TMEM232: variants seen among roughly 807,000 people sequenced by gnomAD.
TMEM232 encodes the protein transmembrane protein 232.
Under a neutral mutation model 78.8 loss-of-function variants are expected in TMEM232, and 80 were observed. The ratio of observed to expected loss-of-function variants is 1.01; its 90% CI spans 0.85 to 1.22. The LOEUF is 1.22. Ranked by LOEUF, TMEM232 falls within the 50% of genes most tolerant of loss-of-function variation. TMEM232 has a pLI of 0.00. For missense variants in TMEM232, 881 were observed against 742.2 expected, an observed-to-expected ratio of 1.19 and a Z score of -2.17; for synonymous variants, 297 against 254.3, an observed-to-expected ratio of 1.17 and a Z score of -1.60.
At chr5:110,579,260 T>A (rs936229293) in intron 10 of TMEM232, among the ~76,000 whole-genome samples, 6 of 141,894 alleles carry the variant, frequency 4.2e-5, no homozygotes, top group East Asian at 2.0e-4. Context: ...AACTGCAGTT[T>A]AAAAAAAAAA....
At chr5:110,550,660 A>G (rs1774340249) in intron 11 of TMEM232, among the ~76,000 whole-genome samples, 1 of 151,950 alleles carries the variant, frequency 6.6e-6, no homozygotes, top group Non-Finnish European at 1.5e-5. Flanking sequence ...CTAGAAATAT[A>G]CAAAACATTA....
chr5:110,424,707 G>A, intron 13 of TMEM232, 116 bp downstream of exon 13: 1 of 808,058 alleles, frequency 1.2e-6, no homozygotes, highest in East Asian at 2.7e-5. Flanking sequence ...AACCAATCAT[G>A]GCTCTACTTT....
intron 12 of TMEM232, among the ~76,000 whole-genome samples, chr5:110,516,680 T>A (rs1768708877): frequency 6.6e-6 from 1 of 151,784 alleles, no homozygotes; most frequent in African/African-American, 2.4e-5. Flanking sequence ...TAAAAAACAT[T>A]CAACATACAA....
At chr5:110,510,739 A>G (rs911297977) in intron 12 of TMEM232, among the ~76,000 whole-genome samples, 1 of 152,198 alleles carries the variant, frequency 6.6e-6, no homozygotes, top group Non-Finnish European at 1.5e-5. Flanking sequence ...CAAAATCACA[A>G]TAATATACCA....
chr5:110,656,667 T>A lies in TMEM232; in HGVS notation c.125+10561A>T, dbSNP rs1228722683. ...ATCCTGGCTAACAAGTGAAACCCCG[T>A]CTCTACTAAAAATACAAAAATTAGC... On this transcript the variant is annotated intron_variant, in intron 2 of 13. Coordinates refer to ENST00000455884, the MANE Select transcript of TMEM232 (RefSeq NM_001039763.4). 2.0e-5 allele frequency among the ~76,000 whole-genome samples: 3 copies of A among 151,852 alleles called. No individual in the cohort carries two copies. The East Asian group carries it at 5.8e-4, about 30-fold the overall frequency.
chr5:110,476,753 T>C (rs569890320), intron 12 of TMEM232, among the ~76,000 whole-genome samples: 1 of 152,200 alleles, frequency 6.6e-6, no homozygotes, highest in Admixed American at 6.6e-5. Context: ...ACAGCACGTT[T>C]GGACATTCTA....
chr5:110,721,671 G>GTATATATATATA (rs1192575850), intron 1 of TMEM232, among the ~76,000 whole-genome samples: 13 of 23,410 alleles, frequency 5.6e-4, no homozygotes, highest in African/African-American at 8.0e-4. Context: ...GTGTGTGTGT[G>GTATATATATATA]TGTATATATA....
intron 2 of TMEM232, among the ~76,000 whole-genome samples, chr5:110,403,645 AAC>A (rs1015747686): frequency 1.3e-5 from 2 of 152,056 alleles, no homozygotes; most frequent in Non-Finnish European, 2.9e-5. Flanking sequence ...TTACAATAGA[AAC>A]ACATAGGGAT....
At chr5:110,637,340 AC>A (rs1785991732) in intron 5 of TMEM232, among the ~76,000 whole-genome samples, 1 of 151,550 alleles carries the variant, frequency 6.6e-6, no homozygotes. Context: ...CTCTGTATCT[AC>A]TTTTGCTTGG....
Position 110,631,861 on chromosome 5 carries a change from G to A in TMEM232, c.502-3981C>T, listed in dbSNP as rs193117480. Among the ~76,000 whole-genome samples, 526 of 152,012 alleles carry A rather than the reference G, an allele frequency of 3.5e-3. 2 individuals are homozygous for A. The highest frequency in any genetic ancestry group is 6.8e-3 in the Middle Eastern group (2 of 294). On this transcript the variant is annotated intron_variant, in intron 5 of 13. Coordinates refer to ENST00000455884, the MANE Select transcript of TMEM232 (RefSeq NM_001039763.4). ...ACCTACACCATGCCACCTACCCAGG[G>A]AACCAAGAACTCCCTCACCTGCCTG...
chr5:110,657,696 T>C (rs967414089), intron 2 of TMEM232, among the ~76,000 whole-genome samples: 2 of 152,082 alleles, frequency 1.3e-5, no homozygotes, highest in African/African-American at 2.4e-5. Context: ...AGGGTGACTA[T>C]AGTAAATAAC....
chr5:110,542,502 C>T (rs1437710935), intron 11 of TMEM232, among the ~76,000 whole-genome samples: 2 of 152,124 alleles, frequency 1.3e-5, no homozygotes, highest in East Asian at 3.9e-4. Flanking sequence ...CATCAAGAAG[C>T]TACCCTGTCT....
intron 1 of TMEM232, among the ~76,000 whole-genome samples, chr5:110,676,174 T>C (rs1792000033): frequency 6.6e-6 from 1 of 152,250 alleles, no homozygotes; most frequent in Admixed American, 6.5e-5. Flanking sequence ...CCTCCATCAA[T>C]GGACACTTAG....
intron 1 of TMEM232, among the ~76,000 whole-genome samples, chr5:110,705,782 ATG>A (rs1278153826): frequency 4.9e-5 from 6 of 122,262 alleles, no homozygotes; most frequent in Admixed American, 2.5e-4. Context: ...GTGTGTGTGT[ATG>A]TGTGTGTATA....
chr5:110,669,202 G>A (rs10069055), intron 1 of TMEM232, among the ~76,000 whole-genome samples: 6,406 of 152,098 alleles, frequency 0.042, 439 homozygotes, highest in African/African-American at 0.15. Flanking sequence ...CTGGTTTTTA[G>A]AAAAGATCAA....
chr5:110,448,689 T>C (rs529960614), intron 12 of TMEM232, among the ~76,000 whole-genome samples: 1 of 152,004 alleles, frequency 6.6e-6, no homozygotes, highest in African/African-American at 2.4e-5. Context: ...ACATTCCCCC[T>C]CTCACATGGA....
intron 12 of TMEM232, among the ~76,000 whole-genome samples, chr5:110,469,918 T>G (rs751438334): frequency 1.3e-5 from 2 of 152,026 alleles, no homozygotes; most frequent in Non-Finnish European, 2.9e-5. Flanking sequence ...CCCCTAAAAT[T>G]TGAGCTGCTG....
rs183215134 is a variant in TMEM232, at chr5:110,439,664, G to A, written c.1704-14748C>T. ...TTCCTGTTGGAAAGTTTCAGGTGTC[G>A]CTTTCAGATTGTATAGAGACTGGCA... On this transcript the variant is annotated intron_variant, in intron 12 of 13. Coordinates refer to ENST00000455884, the MANE Select transcript of TMEM232 (RefSeq NM_001039763.4). Among the ~76,000 whole-genome samples the A allele has an allele frequency of 3.9e-5, 6 of 152,060 alleles. No homozygotes were observed. In the East Asian group the frequency reaches 1.2e-3, roughly 30 times the overall value.
intron 12 of TMEM232, among the ~76,000 whole-genome samples, chr5:110,450,452 T>C (rs1450434774): frequency 6.6e-6 from 1 of 151,352 alleles, no homozygotes; most frequent in South Asian, 2.1e-4. Context: ...CTAAATTATC[T>C]CATTATCTTC....
Sources: gnomAD v4.1 joint callset for allele counts (sites outside exome capture counted in the v4.1 genomes callset) on GRCh38, gnomAD v4.1.1 for gene constraint, MANE v1.5 for transcripts, NCBI Gene and HGNC (gene_info 2026-07-23, HGNC 2026-07-21) for gene names.